The following AKIRIN2 variants were observed in gnomAD, a reference collection of about 807,000 sequenced individuals.
AKIRIN2 encodes the protein akirin-2.
In AKIRIN2, 6 loss-of-function variants were observed where a neutral mutation model predicts 29.3. The ratio of observed to expected loss-of-function variants is 0.20; its 90% CI spans 0.11 to 0.40. The LOEUF is 0.40. AKIRIN2 is among the 10% of genes least tolerant of loss of function. The pLI is 1.00. For synonymous variants in AKIRIN2, 128 were observed against 117.5 expected (o/e 1.09, Z -0.58); for missense variants, 210 against 276.1 (o/e 0.76, Z 1.70).
chr6:87,701,639 G>C lies in AKIRIN2; in HGVS notation c.46C>G (p.Leu16Val), dbSNP rs1432725442. The change falls in exon 1 of 5, where the codon CTG (leucine) becomes GTG (valine). Residue 16 changes from leucine to valine, a missense_variant. Around this residue, in one of 2 missense-constraint regions of AKIRIN2, gnomAD observed 199 missense variants for 236.5 expected, o/e 0.84. Transcript: ENST00000257787. Reference sequence around the variant, plus strand: ...CGCTTCGGGGACGCCGGGCTCAACAGCGGGTCGAAATCCAGAGTCCTTTTC... The same window carrying C: ...CGCTTCGGGGACGCCGGGCTCAACACCGGGTCGAAATCCAGAGTCCTTTTC... ...TLKRTLDFDP[L>V]LSPASPKRRR... 1 of 1,467,296 alleles carries C rather than the reference G, an allele frequency of 6.8e-7. No individual in the cohort carries two copies. Among genetic ancestry groups the C allele is most frequent in the Non-Finnish European group, 9.0e-7 (1 of 1,113,396 alleles). 90.9% of individuals were successfully genotyped at this position (1,467,296 alleles called of 1,614,324 possible).
chr6:87,690,208 A>C (rs1230454012), intron 1 of AKIRIN2, among the ~76,000 whole-genome samples: 1 of 150,106 alleles, frequency 6.7e-6, no homozygotes, highest in Non-Finnish European at 1.5e-5. Flanking sequence ...CTCCATCTCA[A>C]AAAAAAAAAA....
At position 87,701,130 on chromosome 6, in the gene AKIRIN2, C is replaced by G. The variant is rs143455871; in HGVS notation, c.235+320G>C. On this transcript the variant is annotated intron_variant, in intron 1 of 4. Coordinates refer to ENST00000257787, the MANE Select transcript of AKIRIN2 (RefSeq NM_018064.4). ...TAATATCGTCCTCTCTGATCATTTC[C>G]GCTGGGGCTCCAGCGACTACGGAAA... Among the ~76,000 whole-genome samples the G allele has an allele frequency of 5.1e-3, 770 of 152,132 alleles. 6 individuals carry two copies. Among genetic ancestry groups the G allele is most frequent in the African/African-American group, 0.017 (695 of 41,500 alleles).
At chr6:87,693,307 T>TA (rs11428022) in intron 1 of AKIRIN2, among the ~76,000 whole-genome samples, 4,762 of 151,530 alleles carry the variant, frequency 0.031, 244 homozygotes, top group African/African-American at 0.11. Flanking sequence ...TGACTAGCTA[T>TA]AAAAAAAAAT....
chr6:87,689,228 G>A (rs528532997), intron 1 of AKIRIN2, among the ~76,000 whole-genome samples: 59 of 152,252 alleles, frequency 3.9e-4, no homozygotes, highest in African/African-American at 1.4e-3. Context: ...CGGGCCAGGC[G>A]CGGTGGCTCA....
At chr6:87,696,480 T>G (rs1010816571) in intron 1 of AKIRIN2, among the ~76,000 whole-genome samples, 77 of 151,464 alleles carry the variant, frequency 5.1e-4, no homozygotes, top group African/African-American at 1.6e-3. Flanking sequence ...GACGGGCAGA[T>G]CATGAGGCCA....
chr6:87,698,564 C>G (rs1483347710), intron 1 of AKIRIN2, among the ~76,000 whole-genome samples: 2 of 152,158 alleles, frequency 1.3e-5, no homozygotes, highest in Admixed American at 1.3e-4. Context: ...ACTTTGTCAA[C>G]CATCCCTAGA....
Position 87,675,113 on chromosome 6 carries a change from G to A in AKIRIN2, c.*484C>T, listed in dbSNP as rs1770944163. ...AAACCCCAAGAAGTCCTGGAATACA[G>A]AAATGCCCTCCTCCTTCACTATTTC... is the stretch of plus-strand genomic sequence containing the variant. On this transcript the variant is annotated 3_prime_UTR_variant, in exon 5 of 5. Transcript: ENST00000257787. 1 of 152,618 alleles carries A rather than the reference G, an allele frequency of 6.6e-6. No individual in the cohort carries two copies. The highest frequency in any genetic ancestry group is 1.4e-5 in the Non-Finnish European group (1 of 69,088). 9.5% of individuals were successfully genotyped at this position (152,618 alleles called of 1,614,324 possible).
At chr6:87,699,472 A>G (rs1274239826) in intron 1 of AKIRIN2, among the ~76,000 whole-genome samples, 2 of 152,086 alleles carry the variant, frequency 1.3e-5, no homozygotes, top group Admixed American at 1.3e-4. Context: ...CTTTTAGCAG[A>G]CTCAGAATCA....
intron 1 of AKIRIN2, among the ~76,000 whole-genome samples, chr6:87,699,578 G>C (rs1457349259): frequency 2.6e-5 from 4 of 151,568 alleles, no homozygotes; most frequent in African/African-American, 9.8e-5. Context: ...ATTTTGGAAA[G>C]TGAATGTGAA....
chr6:87,696,224 T>C (rs1011845083), intron 1 of AKIRIN2, among the ~76,000 whole-genome samples: 16 of 152,042 alleles, frequency 1.1e-4, no homozygotes, highest in Middle Eastern at 3.2e-3. Flanking sequence ...ACATTCTTTT[T>C]CCAATAAAGC....
rs1484738586 is a variant in AKIRIN2 at position 87,693,926 on chromosome 6, G to T, written c.235+7524C>A. Among the ~76,000 whole-genome samples, 3 of 152,220 alleles carry T rather than the reference G, an allele frequency of 2.0e-5. No individual in the cohort carries two copies. In the South Asian group the frequency reaches 6.2e-4, roughly 32 times the overall value. On this transcript the variant is annotated intron_variant, in intron 1 of 4. Coordinates refer to ENST00000257787, the MANE Select transcript of AKIRIN2 (RefSeq NM_018064.4). The stretch of plus-strand genomic sequence containing the variant: ...TACTTTAAATCAAGTATACCACTTA[G>T]AAAAGTTCTTCTAGATAATCATATT...
At chr6:87,696,680 GAC>G (rs1356427681) in intron 1 of AKIRIN2, among the ~76,000 whole-genome samples, 7 of 131,850 alleles carry the variant, frequency 5.3e-5, no homozygotes, top group African/African-American at 2.0e-4. Context: ...CAGCCTGGGG[GAC>G]AGAGTGAGAC....
chr6:87,694,879 C>G (rs192813665), intron 1 of AKIRIN2, among the ~76,000 whole-genome samples: 19 of 152,280 alleles, frequency 1.2e-4, no homozygotes, highest in African/African-American at 4.6e-4. Context: ...ATCTATTATA[C>G]TGTAAAATTC....
intron 1 of AKIRIN2, among the ~76,000 whole-genome samples, chr6:87,683,976 A>G (rs1771153047): frequency 1.3e-5 from 2 of 152,134 alleles, no homozygotes; most frequent in African/African-American, 2.4e-5. Context: ...AGAGAGAGTA[A>G]GCTTCACTCA....
chr6:87,692,546 T>G (rs138310180), intron 1 of AKIRIN2, among the ~76,000 whole-genome samples: 2,378 of 152,366 alleles, frequency 0.016, 38 homozygotes, highest in South Asian at 0.03. Flanking sequence ...GCGCGGTGGC[T>G]CATGCCTGTA....
rs1433102922 is a variant in AKIRIN2, at chr6:87,702,186, G to A, written c.-502C>T. 2 of 398,058 alleles carry A rather than the reference G, an allele frequency of 5.0e-6. No individual in the cohort carries two copies. The highest frequency in any genetic ancestry group is 4.4e-6 in the Non-Finnish European group (1 of 225,880). The allele number at this position is 398,058 out of a possible 1,614,324, so 24.7% of individuals were successfully genotyped here. A position where few individuals can be genotyped will look rare whatever the true frequency, so the allele number is the denominator to read the frequency against. On this transcript the variant is annotated 5_prime_UTR_variant, in exon 1 of 5. Coordinates refer to ENST00000257787, the MANE Select transcript of AKIRIN2 (RefSeq NM_018064.4). ...GATTGCGAGGTAGCTGCCGCAGCAGGAACCCAAGCGAACACGTCCAACCGC... is the reference window on the plus strand; with the variant it reads ...GATTGCGAGGTAGCTGCCGCAGCAGAAACCCAAGCGAACACGTCCAACCGC...
chr6:87,684,152 A>G (rs1768343677), intron 1 of AKIRIN2, among the ~76,000 whole-genome samples: 1 of 152,192 alleles, frequency 6.6e-6, no homozygotes, highest in South Asian at 2.1e-4. Flanking sequence ...TTATCACCAC[A>G]TAGCTGTTCT....
intron 1 of AKIRIN2, 55 bp from the exon 2 acceptor site, chr6:87,681,818 G>T: frequency 7.0e-7 from 1 of 1,419,922 alleles, no homozygotes. Context: ...TTAAAAAAGA[G>T]GTTGGCTTTC....
intron 1 of AKIRIN2, among the ~76,000 whole-genome samples, chr6:87,690,352 T>G (rs974830733): frequency 2.0e-5 from 3 of 152,202 alleles, no homozygotes; most frequent in Admixed American, 6.5e-5. Flanking sequence ...GGAAAATACC[T>G]AAGCTAACTT....
Sources: gnomAD v4.1 joint callset for allele counts (sites outside exome capture counted in the v4.1 genomes callset) on GRCh38, gnomAD v4.1.1 for gene constraint, gnomAD v4.1.1 regional missense constraint, MANE v1.5 for transcripts, NCBI Gene and HGNC (gene_info 2026-07-23, HGNC 2026-07-21) for gene names.